SPMIP1: variants seen among roughly 807,000 people sequenced by gnomAD.
The protein encoded by SPMIP1 is protein SPMIP1.
At chr7:128,870,605 C>T in the SPMIP1 span, 15 of 152,266 alleles carry the variant, frequency 9.9e-5, no homozygotes, top group African/African-American at 3.1e-4. Flanking sequence ...CGAGCCCAGC[C>T]CTTCAAGGGC....
At chr7:128,868,764 C>G in the SPMIP1 span, 2 of 1,534,464 alleles carry the variant, frequency 1.3e-6, no homozygotes, top group Non-Finnish European at 1.7e-6. Flanking sequence ...TCCCCGAGAC[C>G]TGGCCCTCTG....
At chr7:128,866,404 GCCA>G in the SPMIP1 span, 1 of 1,510,196 alleles carries the variant, frequency 6.6e-7, no homozygotes, top group Non-Finnish European at 8.8e-7. Flanking sequence ...TCCTTCCCTG[GCCA>G]CCATGTCACG....
At chr7:128,869,265 G>A in the SPMIP1 span, 59,174 of 180,460 alleles carry the variant, frequency 0.33, 13,366 homozygotes, top group African/African-American at 0.66. Flanking sequence ...CTGGCGGTGC[G>A]GAGCGCTGAG....
At chr7:128,871,042 C>A in the SPMIP1 span, 32 of 152,304 alleles carry the variant, frequency 2.1e-4, no homozygotes, top group African/African-American at 7.2e-4. Context: ...GAGCTCATGT[C>A]CCAGCCCCTC....
chr7:128,868,697 C>G, the SPMIP1 span: 1 of 1,535,858 alleles, frequency 6.5e-7, no homozygotes, highest in Non-Finnish European at 8.7e-7. Flanking sequence ...TGGTCTCCTG[C>G]AAGATGTGCC....
the SPMIP1 span, chr7:128,866,528 A>G: frequency 6.5e-7 from 1 of 1,535,848 alleles, no homozygotes; most frequent in Admixed American, 2.0e-5. Flanking sequence ...GTGAAGGCCA[A>G]GCAGAAGGCT....
chr7:128,868,278 TC>T, the SPMIP1 span, among the ~76,000 whole-genome samples: 1 of 152,150 alleles, frequency 6.6e-6, no homozygotes, highest in Non-Finnish European at 1.5e-5. Context: ...AACATCCCTT[TC>T]CCCCAGGCCC....
chr7:128,868,882 G>C, the SPMIP1 span: 2 of 712,444 alleles, frequency 2.8e-6, 1 homozygote, highest in South Asian at 3.8e-5. Context: ...CTGTCCCTGA[G>C]GTTGCATTCA....
chr7:128,866,416 C>A, the SPMIP1 span: 1 of 1,519,428 alleles, frequency 6.6e-7, no homozygotes. Flanking sequence ...CACCATGTCA[C>A]GGCAGCTCAA....
At chr7:128,871,354 C>G in the SPMIP1 span, 3 of 152,216 alleles carry the variant, frequency 2.0e-5, no homozygotes, top group Non-Finnish European at 2.9e-5. Context: ...CCACTTTGCC[C>G]TGGTGTGCCC....
At chr7:128,868,877 C>A in the SPMIP1 span, 6 of 732,370 alleles carry the variant, frequency 8.2e-6, no homozygotes, top group South Asian at 1.1e-4. Flanking sequence ...TCTCCCTGTC[C>A]CTGAGGTTGC....
chr7:128,867,001 C>T, the SPMIP1 span, among the ~76,000 whole-genome samples: 2 of 152,156 alleles, frequency 1.3e-5, no homozygotes, highest in Non-Finnish European at 2.9e-5. Context: ...GCAGCGGCCA[C>T]GTGCTGCTAT....
chr7:128,868,081 GAGGAA>G, the SPMIP1 span, among the ~76,000 whole-genome samples: 1 of 152,230 alleles, frequency 6.6e-6, no homozygotes, highest in Non-Finnish European at 1.5e-5. Flanking sequence ...TAGAGATGAA[GAGGAA>G]AGGTGTGGAA....
At chr7:128,866,666 C>T in the SPMIP1 span, 18 of 1,522,988 alleles carry the variant, frequency 1.2e-5, no homozygotes, top group East Asian at 2.5e-5. Flanking sequence ...CCTTTTCAGT[C>T]GGAAATGTAC....
chr7:128,867,737 A>G, the SPMIP1 span, among the ~76,000 whole-genome samples: 1 of 152,022 alleles, frequency 6.6e-6, no homozygotes, highest in East Asian at 1.9e-4. Flanking sequence ...ACGCCCAGCT[A>G]ATTTTTGTTT....
chr7:128,869,719 C>T, the SPMIP1 span: 2 of 152,196 alleles, frequency 1.3e-5, no homozygotes, highest in Non-Finnish European at 2.9e-5. Context: ...CCTGCTGCGC[C>T]GCGCTTAAGC....
chr7:128,870,770 G>A, the SPMIP1 span: 1 of 152,386 alleles, frequency 6.6e-6, no homozygotes. Flanking sequence ...GGTTTGAGAG[G>A]GAACCTGCAG....
the SPMIP1 span, chr7:128,870,062 G>C: frequency 1.3e-5 from 2 of 152,248 alleles, no homozygotes; most frequent in African/African-American, 4.8e-5. Flanking sequence ...CCCCTCCCGG[G>C]CGGCCCCCAG....
the SPMIP1 span, chr7:128,868,783 C>T: frequency 6.5e-7 from 1 of 1,527,980 alleles, no homozygotes; most frequent in Admixed American, 2.0e-5. Context: ...TGACCGTGGG[C>T]CAGGTGTGGG....
Sources: gnomAD v4.1 joint callset for allele counts (sites outside exome capture counted in the v4.1 genomes callset) on GRCh38, gnomAD v4.1.1 for gene constraint, MANE v1.5 for transcripts, NCBI Gene and HGNC (gene_info 2026-07-23, HGNC 2026-07-21) for gene names.